Variants in DSCAM observed in about 807,000 individuals in gnomAD.
DSCAM encodes DS cell adhesion molecule.
DSCAM carries 47 observed loss-of-function variants against 217.7 expected under a neutral mutation model. That is an observed-to-expected ratio of 0.22 (90% confidence interval 0.17 to 0.28). DSCAM has a LOEUF of 0.28. DSCAM is among the 10% of genes least tolerant of loss of function. The probability of loss-of-function intolerance (pLI) is 1.00; values close to 1 mark genes in which losing one functional copy is unlikely to be tolerated. For missense variants in DSCAM, 2,080 were observed against 2,618.3 expected (o/e 0.79, Z 4.49); for synonymous variants, 1,056 against 1,015.3 (o/e 1.04, Z -0.76).
At chr21:40,768,766 G>T (rs916822312) in intron 1 of DSCAM, among the ~76,000 whole-genome samples, 1 of 152,180 alleles carries the variant, frequency 6.6e-6, no homozygotes, top group Admixed American at 6.5e-5. Flanking sequence ...TGCGTTGATT[G>T]TAATTGTAGT....
intron 3 of DSCAM, among the ~76,000 whole-genome samples, chr21:40,496,473 A>G (rs2076119467): frequency 1.3e-5 from 2 of 152,212 alleles, no homozygotes; most frequent in South Asian, 2.1e-4. Flanking sequence ...ATCCACATGC[A>G]GAAGAATGAA....
intron 3 of DSCAM, among the ~76,000 whole-genome samples, chr21:40,423,370 A>C (rs8127056): frequency 0.71 from 107,786 of 152,066 alleles, 38,360 homozygotes; most frequent in Middle Eastern, 0.82. Context: ...GAGATTGAGA[A>C]CATGTATGTA....
At chr21:40,769,254 G>C (rs1199095862) in intron 1 of DSCAM, among the ~76,000 whole-genome samples, 1 of 152,214 alleles carries the variant, frequency 6.6e-6, no homozygotes, top group African/African-American at 2.4e-5. Context: ...AGTTGGTCCT[G>C]AGCCAAGTAT....
chr21:40,753,426 T>C (rs1186938311), intron 1 of DSCAM, among the ~76,000 whole-genome samples: 1 of 152,196 alleles, frequency 6.6e-6, no homozygotes, highest in African/African-American at 2.4e-5. Context: ...ACATTTAGTA[T>C]GGGAGAAGGG....
At chr21:40,233,718 C>T (rs952193174) in intron 11 of DSCAM, among the ~76,000 whole-genome samples, 11 of 152,140 alleles carry the variant, frequency 7.2e-5, no homozygotes, top group East Asian at 1.9e-4. Context: ...TACACACATA[C>T]GCAATTTTTT....
rs2089521777 is a variant in DSCAM at position 40,085,603 on chromosome 21, T to C, written c.4131A>G (p.Gln1377=). 2 of 1,559,546 alleles carry C rather than the reference T, an allele frequency of 1.3e-6. No homozygotes were observed. Among genetic ancestry groups the C allele is most frequent in the Non-Finnish European group, 1.8e-6 (2 of 1,140,530 alleles). ...SDEIILNLQV[Q]VPPDQPRLTV... is the part of the protein sequence containing the mutation. ...AAAAAGAGTCCTCAAATGTTGTACC[T>C]TGTACTTGTAAGTTTAAAATAATTT... Residue 1377 remains glutamine, a splice_region_variant and synonymous_variant, in exon 23 of 33, where the codon CAA becomes CAG. Coordinates refer to ENST00000400454, the MANE Select transcript of DSCAM (RefSeq NM_001389.5).
At chr21:40,055,954 G>C (rs1326970653) in intron 28 of DSCAM, 114 bp from the exon 29 acceptor site, 1 of 696,162 alleles carries the variant, frequency 1.4e-6, no homozygotes, top group Admixed American at 2.2e-5. Context: ...TACCTTGTGA[G>C]GAGGGGAACA....
At chr21:40,187,620 T>C (rs2090909424) in intron 13 of DSCAM, among the ~76,000 whole-genome samples, 1 of 152,216 alleles carries the variant, frequency 6.6e-6, no homozygotes, top group South Asian at 2.1e-4. Flanking sequence ...ATTCCACCGC[T>C]GTACTTGTGT....
intron 23 of DSCAM, among the ~76,000 whole-genome samples, chr21:40,085,101 T>G (rs1048676032): frequency 6.6e-6 from 1 of 152,240 alleles, no homozygotes; most frequent in Non-Finnish European, 1.5e-5. Context: ...TTGTGTATGA[T>G]ATCAAGAAAA....
intron 3 of DSCAM, among the ~76,000 whole-genome samples, chr21:40,461,408 C>T (rs1271490637): frequency 2.0e-5 from 3 of 152,124 alleles, no homozygotes; most frequent in Non-Finnish European, 4.4e-5. Context: ...AGTAGGTAGC[C>T]CTGCCACAAA....
At chr21:40,282,828 A>G (rs905119263) in intron 10 of DSCAM, among the ~76,000 whole-genome samples, 2 of 152,166 alleles carry the variant, frequency 1.3e-5, no homozygotes, top group South Asian at 2.1e-4. Context: ...ATTAACTACA[A>G]TGCTAAGTCG....
At chr21:40,212,694 T>C (rs985210268) in intron 11 of DSCAM, among the ~76,000 whole-genome samples, 9 of 152,184 alleles carry the variant, frequency 5.9e-5, no homozygotes, top group Non-Finnish European at 1.0e-4. Context: ...GTGGGTTGAA[T>C]TGTGGTCCTT....
chr21:40,599,745 T>C (rs1466435536), intron 3 of DSCAM, among the ~76,000 whole-genome samples: 1 of 150,470 alleles, frequency 6.6e-6, no homozygotes, highest in South Asian at 2.1e-4. Flanking sequence ...GAGAGAAGAA[T>C]AGACACAATA....
At chr21:40,824,403 A>ATTTTTTTTTTTTTTTTTT (rs536114434) in intron 1 of DSCAM, among the ~76,000 whole-genome samples, 10 of 121,028 alleles carry the variant, frequency 8.3e-5, no homozygotes, top group African/African-American at 2.4e-4. Context: ...TTTATTATTG[A>ATTTTTTTTTTTTTTTTTT]TTTTTTTTTT....
intron 3 of DSCAM, among the ~76,000 whole-genome samples, chr21:40,577,043 T>C (rs2076857016): frequency 6.7e-6 from 1 of 150,036 alleles, no homozygotes; most frequent in Admixed American, 6.6e-5. Context: ...CACGAGAGGG[T>C]ATCTTAGTGA....
intron 11 of DSCAM, among the ~76,000 whole-genome samples, chr21:40,203,230 C>T (rs79489951): frequency 0.033 from 4,989 of 152,320 alleles, 138 homozygotes; most frequent in African/African-American, 0.078. Flanking sequence ...AAAATACCAT[C>T]AACCTTTCTG....
chr21:40,677,816 A>C (rs1233840825), intron 3 of DSCAM, among the ~76,000 whole-genome samples: 1 of 152,092 alleles, frequency 6.6e-6, no homozygotes, highest in Non-Finnish European at 1.5e-5. Flanking sequence ...ACAGCTGTCT[A>C]TGAACCAGGA....
chr21:40,372,222 A>T (rs2074905953), intron 3 of DSCAM, among the ~76,000 whole-genome samples: 1 of 152,178 alleles, frequency 6.6e-6, no homozygotes, highest in Non-Finnish European at 1.5e-5. Flanking sequence ...TTATGCCACC[A>T]AAGGTTTCCA....
At position 40,044,083 on chromosome 21, in the gene DSCAM, T is replaced by A; in HGVS notation, c.5378A>T (p.Asp1793Val). The A allele has an allele frequency of 6.2e-7, 1 of 1,613,426 alleles. No individual in the cohort carries two copies. Among genetic ancestry groups the A allele is most frequent in the Non-Finnish European group, 8.5e-7 (1 of 1,180,032 alleles). The change falls in exon 31 of 33, where the codon GAC becomes GTC. Residue 1793 changes from aspartate to valine, a missense_variant. Transcript: ENST00000400454. ...GAGGCAGCGTCAGGGCCTACCTGTG[T>A]CTTGCGAGGGGCTGACGCTGTAACT... is the stretch of plus-strand genomic sequence containing the variant. The part of the protein sequence containing the change: ...SDSYSVSPSQ[D>V]TDRARSSMVS...
Sources: gnomAD v4.1 joint callset for allele counts (sites outside exome capture counted in the v4.1 genomes callset) on GRCh38, gnomAD v4.1.1 for gene constraint, MANE v1.5 for transcripts, NCBI Gene and HGNC (gene_info 2026-07-23, HGNC 2026-07-21) for gene names.